The following SLC24A2 variants were observed in gnomAD, a reference collection of about 807,000 sequenced individuals.
SLC24A2 encodes sodium/potassium/calcium exchanger 2.
In SLC24A2, 36 loss-of-function variants were observed where a neutral mutation model predicts 62.0. The ratio of observed to expected loss-of-function variants is 0.58; its 90% CI spans 0.44 to 0.77. The LOEUF (loss-of-function observed/expected upper bound fraction) is 0.77, where lower values mean the gene tolerates loss of function less well. Ranked by LOEUF, SLC24A2 falls within the 30% of genes least tolerant of loss-of-function variation. SLC24A2 has a pLI of 0.00. For missense variants in SLC24A2, 846 were observed against 817.9 expected (o/e 1.03, Z -0.42); for synonymous variants, 358 against 294.0 (o/e 1.22, Z -2.23).
chr9:19,617,605 T>G (rs902527402), intron 4 of SLC24A2, among the ~76,000 whole-genome samples: 1 of 152,164 alleles, frequency 6.6e-6, no homozygotes, highest in Non-Finnish European at 1.5e-5. Flanking sequence ...GTCTTGCATA[T>G]CTCCTGATCT....
rs1037509288 is a variant in SLC24A2 at position 19,577,865 on chromosome 9, A to T, written c.1130-843T>A. Among the ~76,000 whole-genome samples, 12 of 148,810 alleles carry T rather than the reference A, an allele frequency of 8.1e-5. No individual in the cohort carries two copies. In the South Asian group the frequency reaches 8.4e-4, roughly 10 times the overall value. ...GTTATATATATAAAATATATATATAAAAATATTCCAACATATATATATGAT... is the reference window on the plus strand; with the variant it reads ...GTTATATATATAAAATATATATATATAAATATTCCAACATATATATATGAT... On this transcript the variant is annotated intron_variant, in intron 5 of 10. Transcript: ENST00000341998.
intron 2 of SLC24A2, among the ~76,000 whole-genome samples, chr9:19,726,097 C>T (rs571885044): frequency 2.6e-4 from 40 of 152,266 alleles, no homozygotes; most frequent in Middle Eastern, 3.4e-3. Context: ...AGAATGAAAG[C>T]GGAGTCAAGG....
the SLC24A2 span, among the ~76,000 whole-genome samples, chr9:19,998,432 G>C: frequency 1.9e-4 from 29 of 152,268 alleles, no homozygotes; most frequent in South Asian, 1.2e-3. Context: ...CATTTTAAAT[G>C]CCAGAGCCAC....
chr9:19,619,366 C>T (rs560430647), intron 4 of SLC24A2, among the ~76,000 whole-genome samples: 2 of 152,302 alleles, frequency 1.3e-5, no homozygotes, highest in South Asian at 2.1e-4. Context: ...AATCAGCACA[C>T]GGACCTCACA....
chr9:20,294,362 A>T, the SLC24A2 span, among the ~76,000 whole-genome samples: 5 of 152,132 alleles, frequency 3.3e-5, no homozygotes, highest in Non-Finnish European at 5.9e-5. Context: ...CCTAGGAAGG[A>T]ATTATTTCAA....
At chr9:19,998,744 G>T in the SLC24A2 span, among the ~76,000 whole-genome samples, 1 of 152,232 alleles carries the variant, frequency 6.6e-6, no homozygotes, top group Admixed American at 6.5e-5. Context: ...AGAATGGTCT[G>T]GGAGAAATAG....
the SLC24A2 span, among the ~76,000 whole-genome samples, chr9:20,074,237 C>T: frequency 0.19 from 28,323 of 151,680 alleles, 3,928 homozygotes; most frequent in East Asian, 0.65. Context: ...TGGTATGAGT[C>T]CTCACAAATG....
chr9:20,266,378 A>G, the SLC24A2 span, among the ~76,000 whole-genome samples: 1 of 152,156 alleles, frequency 6.6e-6, no homozygotes, highest in Non-Finnish European at 1.5e-5. Flanking sequence ...AAGAACCTAC[A>G]TGACTGTCGG....
At chr9:20,189,020 G>C in the SLC24A2 span, among the ~76,000 whole-genome samples, 7 of 151,378 alleles carry the variant, frequency 4.6e-5, no homozygotes, top group Non-Finnish European at 7.4e-5. Context: ...GGTTACCCAA[G>C]CTAAACTCCC....
At chr9:20,188,358 G>C in the SLC24A2 span, among the ~76,000 whole-genome samples, 46 of 152,246 alleles carry the variant, frequency 3.0e-4, no homozygotes, top group Admixed American at 2.9e-3. Context: ...TGAACAAATG[G>C]GGTGGGTCAG....
the SLC24A2 span, among the ~76,000 whole-genome samples, chr9:20,171,644 G>T: frequency 1.3e-5 from 2 of 151,934 alleles, no homozygotes; most frequent in African/African-American, 4.8e-5. Context: ...AATGATAAAA[G>T]GCCTTATCCA....
At chr9:19,630,574 C>A (rs1472883836) in intron 2 of SLC24A2, among the ~76,000 whole-genome samples, 1 of 152,020 alleles carries the variant, frequency 6.6e-6, no homozygotes, top group Non-Finnish European at 1.5e-5. Context: ...ATTAATATAG[C>A]AGATTAATTC....
intron 4 of SLC24A2, among the ~76,000 whole-genome samples, chr9:19,600,451 G>A (rs1200466901): frequency 6.6e-6 from 1 of 152,192 alleles, no homozygotes; most frequent in Non-Finnish European, 1.5e-5. Context: ...TTGTCTCACA[G>A]GGACAGATCT....
chr9:20,038,453 G>A, the SLC24A2 span, among the ~76,000 whole-genome samples: 1 of 152,150 alleles, frequency 6.6e-6, no homozygotes, highest in Non-Finnish European at 1.5e-5. Flanking sequence ...AGAGGTGGAA[G>A]GCCTAAGCCT....
chr9:19,919,373 G>A, the SLC24A2 span, among the ~76,000 whole-genome samples: 1 of 152,010 alleles, frequency 6.6e-6, no homozygotes, highest in South Asian at 2.1e-4. Context: ...CTCAATCTTG[G>A]ACATTGTGAT....
At chr9:19,866,434 G>C in the SLC24A2 span, among the ~76,000 whole-genome samples, 9 of 152,096 alleles carry the variant, frequency 5.9e-5, no homozygotes, top group African/African-American at 1.7e-4. Context: ...CAATAGTAAA[G>C]ATTTGGAAAA....
intron 2 of SLC24A2, among the ~76,000 whole-genome samples, chr9:19,659,174 G>A (rs944215675): frequency 1.3e-5 from 2 of 152,088 alleles, no homozygotes; most frequent in African/African-American, 4.8e-5. Flanking sequence ...ACACACAGAG[G>A]GAATGAAGGC....
chr9:20,265,674 G>A, the SLC24A2 span, among the ~76,000 whole-genome samples: 1 of 152,126 alleles, frequency 6.6e-6, no homozygotes, highest in Non-Finnish European at 1.5e-5. Flanking sequence ...TGAAATCTGG[G>A]CACCTTCAAA....
At chr9:19,652,695 A>G (rs1445877488) in intron 2 of SLC24A2, among the ~76,000 whole-genome samples, 2 of 152,166 alleles carry the variant, frequency 1.3e-5, no homozygotes, top group African/African-American at 4.8e-5. Context: ...TTAAGCCACA[A>G]ATTTGGTTGT....
Sources: allele counts gnomAD v4.1 joint callset (sites outside exome capture counted in the v4.1 genomes callset), GRCh38; gene constraint gnomAD v4.1.1; transcripts MANE v1.5; gene names NCBI Gene and HGNC (gene_info 2026-07-23, HGNC 2026-07-21).